NTM: variants seen among roughly 807,000 people sequenced by gnomAD.
NTM encodes IgLON family member 2.
A neutral mutation model predicts 42.1 loss-of-function variants in NTM; 13 were observed. The observed-to-expected ratio is 0.31, with a 90% CI of 0.20 to 0.49. The LOEUF (loss-of-function observed/expected upper bound fraction) is 0.49. NTM is among the 20% of genes least tolerant of loss of function. NTM has a pLI of 0.99. For missense variants in NTM, 373 were observed against 452.8 expected, an observed-to-expected ratio of 0.82 and a Z score of 1.60; for synonymous variants, 187 against 179.2, an observed-to-expected ratio of 1.04 and a Z score of -0.35.
chr11:131,382,096 T>C (rs1311459300), intron 1 of NTM, among the ~76,000 whole-genome samples: 1 of 152,206 alleles, frequency 6.6e-6, no homozygotes, highest in Non-Finnish European at 1.5e-5. Flanking sequence ...CCATTTAAAA[T>C]ACTCAACTTC....
intron 2 of NTM, among the ~76,000 whole-genome samples, chr11:132,013,224 A>T (rs1272002656): frequency 6.6e-6 from 1 of 152,170 alleles, no homozygotes. Flanking sequence ...TGTTTTGAGA[A>T]GTGATATCCA....
At chr11:131,773,766 A>T (rs75922220) in intron 1 of NTM, among the ~76,000 whole-genome samples, 2,180 of 152,320 alleles carry the variant, frequency 0.014, 53 homozygotes, top group African/African-American at 0.047. Context: ...TGTGAAATAC[A>T]ATGTCTTTAT....
intron 1 of NTM, among the ~76,000 whole-genome samples, chr11:131,592,542 G>T (rs1283723961): frequency 1.5e-5 from 2 of 130,494 alleles, no homozygotes; most frequent in Non-Finnish European, 3.3e-5. Context: ...AAAAAAAAAA[G>T]CTAGTTTCTT....
chr11:131,871,174 A>ATTAC (rs2047741141), intron 1 of NTM, among the ~76,000 whole-genome samples: 1 of 152,212 alleles, frequency 6.6e-6, no homozygotes, highest in African/African-American at 2.4e-5. Flanking sequence ...TTAATCAGGG[A>ATTAC]GAACATGAAA....
chr11:131,418,885 A>G (rs1947221161), intron 1 of NTM, among the ~76,000 whole-genome samples: 1 of 152,182 alleles, frequency 6.6e-6, no homozygotes, highest in Non-Finnish European at 1.5e-5. Flanking sequence ...CAAATCTCCT[A>G]TGCATTAAAA....
chr11:131,877,187 C>T lies in NTM; in HGVS notation c.83-34377C>T, dbSNP rs551468444. ...AGGCATACTTTTTACTGAATGAACA[C>T]TTGCTGTGCTGGGATTGTGCCCAGC... is the stretch of plus-strand genomic sequence containing the variant. On this transcript the variant is annotated intron_variant, in intron 1 of 8. Coordinates refer to ENST00000683400, the MANE Select transcript of NTM (RefSeq NM_001352005.2). Among the ~76,000 whole-genome samples, 3 of 152,284 alleles carry T rather than the reference C, an allele frequency of 2.0e-5. No homozygotes were observed. The East Asian group carries it at 5.8e-4, about 29-fold the overall frequency.
At chr11:131,976,167 CCTTCCTTTCTTCCTTT>C (rs2064351911) in intron 2 of NTM, among the ~76,000 whole-genome samples, 1 of 97,874 alleles carries the variant, frequency 1.0e-5, no homozygotes, top group Non-Finnish European at 2.2e-5. Context: ...TTTCTTCCTT[CCTTCCTTTCTTCCTTT>C]CTTCTTCAGT....
chr11:131,468,209 C>T (rs928500749), intron 1 of NTM, among the ~76,000 whole-genome samples: 1 of 152,242 alleles, frequency 6.6e-6, no homozygotes, highest in Non-Finnish European at 1.5e-5. Flanking sequence ...ATCTGATTGA[C>T]TGGCTGGCTC....
intron 1 of NTM, among the ~76,000 whole-genome samples, chr11:131,723,113 G>A (rs77791053): frequency 1.4e-4 from 21 of 152,320 alleles, no homozygotes; most frequent in East Asian, 5.8e-4. Flanking sequence ...TCATTTTGCC[G>A]TTCTTTCCAC....
At chr11:131,460,714 G>A (rs1951298718) in intron 1 of NTM, among the ~76,000 whole-genome samples, 1 of 152,046 alleles carries the variant, frequency 6.6e-6, no homozygotes, top group African/African-American at 2.4e-5. Flanking sequence ...CACCACGCCT[G>A]GCTAATTCTT....
At chr11:132,307,525 G>A in intron 4 of NTM, 164 bp from the exon 5 acceptor site, 1 of 425,844 alleles carries the variant, frequency 2.3e-6, no homozygotes, top group Non-Finnish European at 3.1e-6. Flanking sequence ...GTGCGGAGGT[G>A]TAGAAGAGAC....
chr11:131,436,619 C>A (rs867379274), intron 1 of NTM, among the ~76,000 whole-genome samples: 1 of 152,092 alleles, frequency 6.6e-6, no homozygotes, highest in Non-Finnish European at 1.5e-5. Context: ...TCTGTGGGAT[C>A]GGTGGTGATA....
intron 2 of NTM, among the ~76,000 whole-genome samples, chr11:132,019,941 C>T (rs1206689642): frequency 6.6e-6 from 1 of 151,716 alleles, no homozygotes; most frequent in Non-Finnish European, 1.5e-5. Context: ...GAATCTCTCA[C>T]CTGCATAGTG....
At chr11:131,844,409 G>T (rs1263444025) in intron 1 of NTM, among the ~76,000 whole-genome samples, 2 of 152,070 alleles carry the variant, frequency 1.3e-5, no homozygotes, top group Admixed American at 1.3e-4. Flanking sequence ...TATCTGGTAG[G>T]ATGAGTCCCC....
intron 1 of NTM, among the ~76,000 whole-genome samples, chr11:131,670,572 C>T (rs781337336): frequency 7.2e-5 from 11 of 152,118 alleles, no homozygotes; most frequent in Admixed American, 1.3e-4. Context: ...TCAGTCTCTA[C>T]CTGGAATGGA....
chr11:132,055,350 G>C (rs1410209364), intron 2 of NTM, among the ~76,000 whole-genome samples: 1 of 152,174 alleles, frequency 6.6e-6, no homozygotes, highest in African/African-American at 2.4e-5. Flanking sequence ...CCAGGGCTGA[G>C]GCTGGCACTT....
chr11:132,151,858 G>C (rs2071976587), intron 3 of NTM, among the ~76,000 whole-genome samples: 1 of 152,186 alleles, frequency 6.6e-6, no homozygotes, highest in Admixed American at 6.5e-5. Context: ...GACTAGACTA[G>C]GGAGACACCC....
intron 1 of NTM, 151 bp downstream of exon 1, chr11:131,371,039 C>A (rs1262037164): frequency 6.8e-7 from 1 of 1,460,744 alleles, no homozygotes. Context: ...TTCATTCTCC[C>A]GACTAGGCTG....
At chr11:131,508,209 CA>C (rs1341699041) in intron 1 of NTM, among the ~76,000 whole-genome samples, 1 of 146,164 alleles carries the variant, frequency 6.8e-6, no homozygotes, top group Non-Finnish European at 1.5e-5. Context: ...ACAACCCCAT[CA>C]AAAAGTGGGC....
Sources: allele counts gnomAD v4.1 joint callset (sites outside exome capture counted in the v4.1 genomes callset), GRCh38; gene constraint gnomAD v4.1.1; transcripts MANE v1.5; gene names NCBI Gene and HGNC (gene_info 2026-07-23, HGNC 2026-07-21).